The following FBXO15 variants were observed in gnomAD, a reference collection of about 807,000 sequenced individuals.
FBXO15 encodes F-box protein 15.
FBXO15 carries 30 observed loss-of-function variants against 49.5 expected under a neutral mutation model. That is an observed-to-expected ratio of 0.61 (90% CI 0.45 to 0.82). The LOEUF (loss-of-function observed/expected upper bound fraction) is 0.82. Ranked by LOEUF, FBXO15 falls within the 40% of genes least tolerant of loss-of-function variation. FBXO15 has a pLI of 0.00. For missense variants in FBXO15, 591 were observed against 631.5 expected (o/e 0.94, Z 0.69); for synonymous variants, 250 against 232.7 (o/e 1.07, Z -0.68).
intron 9 of FBXO15, 39 bp from the exon 10 acceptor site, chr18:74,073,769 A>G: frequency 1.3e-6 from 2 of 1,564,490 alleles, no homozygotes; most frequent in Non-Finnish European, 1.7e-6. Flanking sequence ...TAAAAAGGCC[A>G]ATCAGACCTG....
At chr18:74,111,092 A>G (rs142113753) in intron 8 of FBXO15, among the ~76,000 whole-genome samples, 200 of 152,210 alleles carry the variant, frequency 1.3e-3, no homozygotes, top group Non-Finnish European at 2.4e-3. Context: ...ACATCATACA[A>G]CAAGAGCAGA....
chr18:74,140,428 C>A, intron 1 of FBXO15, 116 bp from the exon 2 acceptor site: 2 of 896,744 alleles, frequency 2.2e-6, no homozygotes, highest in South Asian at 2.5e-5. Flanking sequence ...CACTGAAAAA[C>A]TTAATTTCTG....
chr18:74,146,412 G>A (rs946766614), intron 1 of FBXO15, among the ~76,000 whole-genome samples: 4 of 152,200 alleles, frequency 2.6e-5, no homozygotes, highest in African/African-American at 7.2e-5. Context: ...CATAATGACA[G>A]GCCCTCTAAT....
At chr18:74,125,886 A>G (rs1914686358) in intron 6 of FBXO15, 89 bp downstream of exon 6, 2 of 1,532,700 alleles carry the variant, frequency 1.3e-6, no homozygotes, top group Non-Finnish European at 1.8e-6. Flanking sequence ...AGCTTAAAGG[A>G]TTTTACATTT....
intron 8 of FBXO15, among the ~76,000 whole-genome samples, chr18:74,108,716 C>T (rs966969854): frequency 1.3e-5 from 2 of 152,026 alleles, no homozygotes; most frequent in Non-Finnish European, 2.9e-5. Context: ...TCAGAGAACA[C>T]CAAACAGGAT....
At chr18:74,106,481 G>A (rs1227999562) in intron 8 of FBXO15, among the ~76,000 whole-genome samples, 2 of 152,040 alleles carry the variant, frequency 1.3e-5, no homozygotes, top group East Asian at 3.8e-4. Context: ...ATATGATAAT[G>A]AACAACAATA....
chr18:74,110,480 T>C (rs562618844), intron 8 of FBXO15, among the ~76,000 whole-genome samples: 24 of 151,848 alleles, frequency 1.6e-4, no homozygotes, highest in African/African-American at 5.1e-4. Context: ...GGAAAAAGCA[T>C]AGAATACATA....
In FBXO15 at chr18:74,125,715, G is replaced by A. The variant is rs142633077; in HGVS notation, c.912+260C>T. The stretch of plus-strand genomic sequence containing the variant: ...TAACATGAAGGAAAACATGAAGGCA[G>A]GAAGAGGTTGTTGTCTATGATAGCA... On this transcript the variant is annotated intron_variant, in intron 6 of 9. Coordinates refer to ENST00000419743, the MANE Select transcript of FBXO15 (RefSeq NM_001142958.2). Among the ~76,000 whole-genome samples the A allele has an allele frequency of 2.0e-3, 307 of 152,304 alleles. 1 individual carries two copies. Among genetic ancestry groups the A allele is most frequent in the Non-Finnish European group, 3.2e-3 (215 of 68,028 alleles).
intron 8 of FBXO15, among the ~76,000 whole-genome samples, chr18:74,084,185 A>C (rs1025836003): frequency 1.3e-5 from 2 of 152,234 alleles, no homozygotes; most frequent in Admixed American, 6.5e-5. Flanking sequence ...CCAAGAGAAA[A>C]GCCTATTTAT....
chr18:74,145,594 CTTTTTTTTT>C (rs760823560), intron 1 of FBXO15, among the ~76,000 whole-genome samples: 1 of 96,370 alleles, frequency 1.0e-5, no homozygotes, highest in Non-Finnish European at 2.0e-5. Flanking sequence ...ACCAACTGCA[CTTTTTTTTT>C]TTTTTTTTTT....
Position 74,129,488 on chromosome 18 carries a change from T to A in FBXO15, c.702A>T (p.Pro234=). The part of the protein sequence containing the change: ...VTVIWYGKKW[P]CLASLSTLDL... ...CTAAGGTTGACAATGATGCTAGGCA[T>A]GGCCATTTTTTGCCATACCATATAA... Residue 234 remains proline, a synonymous_variant, in exon 5 of 10, where the codon CCA becomes CCT. Coordinates refer to ENST00000419743, the MANE Select transcript of FBXO15 (RefSeq NM_001142958.2). 6.2e-7 allele frequency: 1 copy of A among 1,614,060 alleles called. No homozygotes were observed.
chr18:74,145,502 C>G (rs964202278), intron 1 of FBXO15, among the ~76,000 whole-genome samples: 6 of 151,744 alleles, frequency 4.0e-5, no homozygotes, highest in Admixed American at 6.6e-5. Context: ...CTCTCTGTAC[C>G]ATGTCTTACA....
intron 9 of FBXO15, among the ~76,000 whole-genome samples, chr18:74,077,677 A>G (rs999867321): frequency 3.3e-5 from 5 of 152,290 alleles, no homozygotes; most frequent in African/African-American, 1.2e-4. Flanking sequence ...CTGCAGCCTC[A>G]CTGAGGCTGA....
chr18:74,131,596 C>T (rs762208544), intron 3 of FBXO15, among the ~76,000 whole-genome samples: 2 of 152,334 alleles, frequency 1.3e-5, no homozygotes, highest in African/African-American at 2.4e-5. Context: ...AGAAGCCCCA[C>T]GAGTGGTGGC....
chr18:74,129,996 A>G (rs1978319004), intron 4 of FBXO15, among the ~76,000 whole-genome samples: 1 of 152,226 alleles, frequency 6.6e-6, no homozygotes, highest in African/African-American at 2.4e-5. Flanking sequence ...TAGGAACCCC[A>G]TGATACCAAA....
intron 4 of FBXO15, 37 bp downstream of exon 4, chr18:74,130,379 C>G (rs1978325515): frequency 6.2e-7 from 1 of 1,610,674 alleles, no homozygotes; most frequent in African/African-American, 1.3e-5. Flanking sequence ...ATACTTTGAG[C>G]TGATGCCATC....
chr18:74,092,405 A>T (rs1913077687), intron 8 of FBXO15, among the ~76,000 whole-genome samples: 1 of 152,296 alleles, frequency 6.6e-6, no homozygotes, highest in East Asian at 1.9e-4. Context: ...GTTAAGAACC[A>T]TTGTGGGGGA....
intron 8 of FBXO15, among the ~76,000 whole-genome samples, chr18:74,085,718 T>G (rs1912708517): frequency 1.3e-5 from 2 of 152,210 alleles, no homozygotes; most frequent in South Asian, 4.1e-4. Flanking sequence ...GCAAAGAAAG[T>G]CTTTTCACAA....
chr18:74,134,116 G>C (rs555215124), intron 3 of FBXO15, among the ~76,000 whole-genome samples: 67 of 152,304 alleles, frequency 4.4e-4, no homozygotes, highest in African/African-American at 1.6e-3. Flanking sequence ...GTGTGTGTGT[G>C]CATGTATTGA....
Sources: gnomAD v4.1 joint callset for allele counts (sites outside exome capture counted in the v4.1 genomes callset) on GRCh38, gnomAD v4.1.1 for gene constraint, MANE v1.5 for transcripts, NCBI Gene and HGNC (gene_info 2026-07-23, HGNC 2026-07-21) for gene names.